Variants in SPOCK1 observed in about 807,000 individuals in gnomAD.
The protein encoded by SPOCK1 is SPARC (osteonectin), cwcv and kazal like domains proteoglycan 1.
Under a neutral mutation model 55.3 loss-of-function variants are expected in SPOCK1, and 23 were observed. That is an observed-to-expected ratio of 0.42 (90% CI 0.30 to 0.59). The LOEUF is 0.59. Among genes scored for constraint, SPOCK1 ranks in the 20% least tolerant of loss-of-function variants. SPOCK1 has a pLI of 0.22. For missense variants in SPOCK1, 499 were observed against 552.5 expected, an observed-to-expected ratio of 0.90 and a Z score of 0.97; for synonymous variants, 226 against 221.0, an observed-to-expected ratio of 1.02 and a Z score of -0.20.
intron 3 of SPOCK1, among the ~76,000 whole-genome samples, chr5:137,262,016 CA>C (rs1348246676): frequency 6.6e-6 from 1 of 152,162 alleles, no homozygotes. Flanking sequence ...CTCCAGTGCA[CA>C]AAAAATCCTT....
intron 2 of SPOCK1, among the ~76,000 whole-genome samples, chr5:137,387,074 T>C (rs771827965): frequency 6.6e-6 from 1 of 152,194 alleles, no homozygotes; most frequent in Non-Finnish European, 1.5e-5. Flanking sequence ...CATCATGTCA[T>C]TAAATTTGTT....
intron 2 of SPOCK1, among the ~76,000 whole-genome samples, chr5:137,493,045 T>C (rs1045304670): frequency 2.0e-5 from 3 of 152,236 alleles, no homozygotes; most frequent in Non-Finnish European, 4.4e-5. Context: ...GTGAATTACA[T>C]AATCTCTTAC....
chr5:137,443,608 T>A (rs957048637), intron 2 of SPOCK1, among the ~76,000 whole-genome samples: 1 of 152,024 alleles, frequency 6.6e-6, no homozygotes, highest in Non-Finnish European at 1.5e-5. Flanking sequence ...CCCCAAACCA[T>A]AGACCTAAAA....
intron 2 of SPOCK1, among the ~76,000 whole-genome samples, chr5:137,456,214 C>A (rs374869256): frequency 2.8e-4 from 42 of 152,288 alleles, no homozygotes; most frequent in African/African-American, 9.9e-4. Context: ...TTAATTATCA[C>A]CGCCCCTCAG....
At position 137,298,828 on chromosome 5, in the gene SPOCK1, G is replaced by C. The variant is rs115425563; in HGVS notation, c.187-31773C>G. Among the ~76,000 whole-genome samples the C allele has an allele frequency of 4.3e-3, 651 of 152,004 alleles. 3 individuals carry two copies. Among genetic ancestry groups the C allele is most frequent in the African/African-American group, 0.015 (629 of 41,444 alleles). On this transcript the variant is annotated intron_variant, in intron 2 of 10. Transcript: ENST00000394945. ...TCACTCAAGTTTTCTTATTTTTATA[G>C]TTTGCATGGTATATATTTCTCCACC... is the stretch of plus-strand genomic sequence containing the variant.
Position 136,977,844 on chromosome 5 carries a change from T to G in SPOCK1, c.*810A>C, listed in dbSNP as rs78395290. 1,463 of 398,938 alleles carry G rather than the reference T, an allele frequency of 3.7e-3. 7 individuals are homozygous for G. Among genetic ancestry groups the G allele is most frequent in the Non-Finnish European group, 5.0e-3 (1,128 of 226,054 alleles). 24.7% of individuals were successfully genotyped at this position (398,938 alleles called of 1,614,324 possible). A position where few individuals can be genotyped will look rare whatever the true frequency, so the allele number is the denominator to read the frequency against. ...GCCAACTGTTAGTGCAAAAAAGGAC[T>G]TTAATACAAATTTCTTATTCCAGAA... On this transcript the variant is annotated 3_prime_UTR_variant, in exon 11 of 11. Coordinates refer to ENST00000394945, the MANE Select transcript of SPOCK1 (RefSeq NM_004598.4).
intron 3 of SPOCK1, among the ~76,000 whole-genome samples, chr5:137,183,527 A>G (rs1003169952): frequency 2.0e-5 from 3 of 152,180 alleles, no homozygotes; most frequent in Non-Finnish European, 2.9e-5. Flanking sequence ...CCTATATCTC[A>G]CCTTCTGAAA....
At chr5:137,435,578 A>G (rs1325702605) in intron 2 of SPOCK1, among the ~76,000 whole-genome samples, 1 of 152,090 alleles carries the variant, frequency 6.6e-6, no homozygotes, top group African/African-American at 2.4e-5. Context: ...TGAAAACATG[A>G]TTTTCTTAAG....
chr5:137,093,979 C>G (rs1487903352), intron 5 of SPOCK1, among the ~76,000 whole-genome samples: 1 of 152,138 alleles, frequency 6.6e-6, no homozygotes, highest in Non-Finnish European at 1.5e-5. Context: ...AAACAGAGAC[C>G]AGTAATGAGA....
At chr5:137,385,711 G>A (rs1295385168) in intron 2 of SPOCK1, among the ~76,000 whole-genome samples, 1 of 152,094 alleles carries the variant, frequency 6.6e-6, no homozygotes, top group Non-Finnish European at 1.5e-5. Flanking sequence ...ACATCTCCTA[G>A]GAGTGAACAC....
At chr5:137,491,221 G>A (rs1266345263) in intron 2 of SPOCK1, among the ~76,000 whole-genome samples, 1 of 152,092 alleles carries the variant, frequency 6.6e-6, no homozygotes, top group Non-Finnish European at 1.5e-5. Context: ...GGTTAATAGT[G>A]GGCACTTACA....
At chr5:137,434,656 C>T (rs1348944647) in intron 2 of SPOCK1, among the ~76,000 whole-genome samples, 3 of 151,254 alleles carry the variant, frequency 2.0e-5, no homozygotes, top group Non-Finnish European at 3.0e-5. Context: ...CCCGCCACCA[C>T]GCCCAGCTAA....
intron 2 of SPOCK1, among the ~76,000 whole-genome samples, chr5:137,309,645 A>G (rs1757756181): frequency 6.6e-6 from 1 of 152,172 alleles, no homozygotes; most frequent in Admixed American, 6.5e-5. Flanking sequence ...TTATCTGTTA[A>G]TAACAAACTC....
At chr5:137,309,478 C>G (rs1757752861) in intron 2 of SPOCK1, among the ~76,000 whole-genome samples, 1 of 152,318 alleles carries the variant, frequency 6.6e-6, no homozygotes, top group Non-Finnish European at 1.5e-5. Context: ...CCTCCTGAAG[C>G]CTTGCCCACT....
At chr5:137,191,448 C>T (rs1374418912) in intron 3 of SPOCK1, among the ~76,000 whole-genome samples, 2 of 151,816 alleles carry the variant, frequency 1.3e-5, no homozygotes, top group African/African-American at 2.4e-5. Context: ...AAGACACAAA[C>T]CGTACTCTAG....
intron 3 of SPOCK1, among the ~76,000 whole-genome samples, chr5:137,260,308 G>A (rs1224186976): frequency 6.6e-6 from 1 of 152,066 alleles, no homozygotes; most frequent in East Asian, 1.9e-4. Flanking sequence ...ATCCATCAGT[G>A]GGGGAATAAT....
intron 6 of SPOCK1, among the ~76,000 whole-genome samples, chr5:137,066,446 T>C (rs1328456652): frequency 6.6e-6 from 1 of 152,132 alleles, no homozygotes; most frequent in African/African-American, 2.4e-5. Context: ...GCTGGCAACA[T>C]GGCAATGTCT....
intron 2 of SPOCK1, among the ~76,000 whole-genome samples, chr5:137,430,474 A>G (rs1308562569): frequency 6.6e-6 from 1 of 152,180 alleles, no homozygotes; most frequent in Non-Finnish European, 1.5e-5. Context: ...ATGATGTTTC[A>G]GGCCCTGTGC....
intron 8 of SPOCK1, among the ~76,000 whole-genome samples, chr5:136,987,523 T>C (rs1469193831): frequency 2.0e-5 from 3 of 152,210 alleles, no homozygotes. Context: ...GTGAGGTCAA[T>C]TGCTCAAATT....
Sources: allele counts gnomAD v4.1 joint callset (sites outside exome capture counted in the v4.1 genomes callset), GRCh38; gene constraint gnomAD v4.1.1; transcripts MANE v1.5; gene names NCBI Gene and HGNC (gene_info 2026-07-23, HGNC 2026-07-21).